The following NGEF variants were observed in gnomAD, a reference collection of about 807,000 sequenced individuals.
NGEF encodes neuronal guanine nucleotide exchange factor.
In NGEF, 31 loss-of-function variants were observed where a neutral mutation model predicts 80.9. The observed-to-expected ratio is 0.38, with a 90% CI of 0.29 to 0.52. The LOEUF is 0.52. NGEF is among the 20% of genes least tolerant of loss of function. The probability of loss-of-function intolerance (pLI) is 0.84; values close to 1 mark genes in which losing one functional copy is unlikely to be tolerated. For synonymous variants in NGEF, 371 were observed against 370.2 expected (o/e 1.00, Z -0.03); for missense variants, 709 against 926.2 (o/e 0.77, Z 3.04).
At chr2:232,947,927 A>G (rs1374365242) in intron 3 of NGEF, among the ~76,000 whole-genome samples, 2 of 152,204 alleles carry the variant, frequency 1.3e-5, no homozygotes, top group Non-Finnish European at 2.9e-5. Context: ...AAACTCGACT[A>G]GATCTTTTAA....
intron 5 of NGEF, chr2:232,901,429 GGTT>G (rs1221611962): frequency 1.0e-6 from 1 of 985,352 alleles, no homozygotes; most frequent in Non-Finnish European, 1.2e-6. Context: ...GCCTGATTTG[GGTT>G]GTTTTTTTGG....
At chr2:232,936,705 TG>T (rs1338878747) in intron 3 of NGEF, among the ~76,000 whole-genome samples, 1 of 152,240 alleles carries the variant, frequency 6.6e-6, no homozygotes, top group Non-Finnish European at 1.5e-5. Flanking sequence ...AGAAGACCAC[TG>T]GAAGCTTCGT....
In NGEF at chr2:232,927,038, A is replaced by G. The variant is rs769814442; in HGVS notation, c.526+6T>C. 1.9e-5 allele frequency: 30 copies of G among 1,613,804 alleles called. No homozygotes were observed. Among genetic ancestry groups the G allele is most frequent in the South Asian group, 5.5e-5 (5 of 91,072 alleles). ...AATAAAACCCGGTTACTGCGGAGACACCCACCTATTTGTTCAATGAGGTTT... is the reference window on the plus strand; with the variant it reads ...AATAAAACCCGGTTACTGCGGAGACGCCCACCTATTTGTTCAATGAGGTTT... On this transcript the variant is annotated splice_donor_region_variant and intron_variant, in intron 4 of 14. Transcript: ENST00000264051.
intron 10 of NGEF, among the ~76,000 whole-genome samples, chr2:232,884,629 C>G (rs1246082929): frequency 6.6e-6 from 1 of 152,168 alleles, no homozygotes; most frequent in African/African-American, 2.4e-5. Context: ...ACCCGCGGGG[C>G]AAGGAGGCCA....
intron 3 of NGEF, among the ~76,000 whole-genome samples, chr2:232,928,501 T>C (rs73102769): frequency 0.47 from 72,018 of 151,914 alleles, 17,406 homozygotes; most frequent in African/African-American, 0.56. Flanking sequence ...TTGCCCACGC[T>C]GGGCACCCCC....
chr2:232,893,872 C>T (rs1405812626), intron 6 of NGEF, among the ~76,000 whole-genome samples: 1 of 152,196 alleles, frequency 6.6e-6, no homozygotes, highest in African/African-American at 2.4e-5. Context: ...CACCAGAAGG[C>T]GCTGCCACGA....
chr2:233,005,040 C>T (rs185552348), intron 1 of NGEF, among the ~76,000 whole-genome samples: 20 of 152,304 alleles, frequency 1.3e-4, no homozygotes, highest in East Asian at 9.6e-4. Context: ...TCTACTCCTT[C>T]GTCAGGACAG....
At chr2:232,915,550 G>C (rs1353494067) in intron 5 of NGEF, among the ~76,000 whole-genome samples, 1 of 152,192 alleles carries the variant, frequency 6.6e-6, no homozygotes, top group East Asian at 1.9e-4. Context: ...CAGCTCTAGA[G>C]AGTATAAAGT....
At chr2:232,926,969 G>T in intron 4 of NGEF, 75 bp downstream of exon 4, 1 of 1,575,688 alleles carries the variant, frequency 6.3e-7, no homozygotes. Flanking sequence ...GGCATCCCAT[G>T]AGCAGGAGGA....
At chr2:232,990,119 T>C (rs1451942431) in intron 1 of NGEF, among the ~76,000 whole-genome samples, 2 of 152,122 alleles carry the variant, frequency 1.3e-5, no homozygotes, top group Non-Finnish European at 2.9e-5. Context: ...GCTAAAGTAA[T>C]CATAATTTGT....
intron 3 of NGEF, among the ~76,000 whole-genome samples, chr2:232,938,827 C>A (rs770451218): frequency 1.5e-4 from 23 of 150,424 alleles, no homozygotes; most frequent in Non-Finnish European, 2.1e-4. Flanking sequence ...TCAGGAGTTG[C>A]CTAGGTGCAC....
At chr2:232,908,355 T>C (rs904446104) in intron 5 of NGEF, among the ~76,000 whole-genome samples, 6 of 152,196 alleles carry the variant, frequency 3.9e-5, no homozygotes, top group Non-Finnish European at 5.9e-5. Context: ...GGGGTTTTGA[T>C]ACAAATATAC....
intron 1 of NGEF, chr2:233,012,622 C>T (rs535766140): frequency 3.0e-5 from 10 of 335,146 alleles, no homozygotes; most frequent in South Asian, 2.1e-4. Flanking sequence ...GGACTGGCGT[C>T]GTGGGTGTGG....
intron 1 of NGEF, among the ~76,000 whole-genome samples, chr2:232,993,769 T>C (rs1210076838): frequency 2.0e-5 from 3 of 152,132 alleles, no homozygotes; most frequent in Non-Finnish European, 4.4e-5. Flanking sequence ...CGCTACAACA[T>C]GAAGGAGGCT....
chr2:232,954,314 T>A (rs1336506795), intron 3 of NGEF, among the ~76,000 whole-genome samples: 3 of 152,098 alleles, frequency 2.0e-5, no homozygotes, highest in Non-Finnish European at 4.4e-5. Flanking sequence ...GATATGACAG[T>A]GAATAAGATA....
Position 232,900,244 on chromosome 2 carries a change from T to A in NGEF, c.829-5328A>T, listed in dbSNP as rs111162803. On this transcript the variant is annotated intron_variant, in intron 5 of 14. Transcript: ENST00000264051. Reference sequence around the variant, plus strand: ...CACTCACATTCACACACACACGCTCTCAGTCACTCATATACACGTTCACTC... The same window carrying A: ...CACTCACATTCACACACACACGCTCACAGTCACTCATATACACGTTCACTC... 4.7e-4 allele frequency among the ~76,000 whole-genome samples: 54 copies of A among 114,904 alleles called. 1 individual carries two copies. Among genetic ancestry groups the A allele is most frequent in the African/African-American group, 2.0e-3 (53 of 26,996 alleles). 75.4% of individuals were successfully genotyped at this position (114,904 alleles called of 152,430 possible).
chr2:233,010,658 A>G (rs1237125621), intron 1 of NGEF, among the ~76,000 whole-genome samples: 1 of 152,070 alleles, frequency 6.6e-6, no homozygotes, highest in South Asian at 2.1e-4. Context: ...CCAGGTCCTT[A>G]ATCAACCACC....
chr2:232,942,866 CG>C (rs35073919), intron 3 of NGEF, among the ~76,000 whole-genome samples: 2 of 145,024 alleles, frequency 1.4e-5, no homozygotes, highest in Admixed American at 1.4e-4. Flanking sequence ...CATTATTTTC[CG>C]GGGGGGAGTC....
chr2:232,898,535 G>A (rs972932107), intron 5 of NGEF, among the ~76,000 whole-genome samples: 4 of 152,166 alleles, frequency 2.6e-5, no homozygotes, highest in Non-Finnish European at 5.9e-5. Context: ...TCTTCATTTT[G>A]TATGTCAAAT....
Sources: gnomAD v4.1 joint callset for allele counts (sites outside exome capture counted in the v4.1 genomes callset) on GRCh38, gnomAD v4.1.1 for gene constraint, MANE v1.5 for transcripts, NCBI Gene and HGNC (gene_info 2026-07-23, HGNC 2026-07-21) for gene names.